DOCK3: variants seen among roughly 807,000 people sequenced by gnomAD.
DOCK3 encodes the protein dedicator of cytokinesis protein 3.
A neutral mutation model predicts 265.6 loss-of-function variants in DOCK3; 60 were observed. That is an observed-to-expected ratio of 0.23 (90% CI 0.18 to 0.28). The LOEUF (loss-of-function observed/expected upper bound fraction) is 0.28, where lower values mean the gene tolerates loss of function less well. Among genes scored for constraint, DOCK3 ranks in the 10% least tolerant of loss-of-function variants. The pLI is 1.00. For synonymous variants in DOCK3, 881 were observed against 938.0 expected, an observed-to-expected ratio of 0.94 and a Z score of 1.11; for missense variants, 1,981 against 2,594.3, an observed-to-expected ratio of 0.76 and a Z score of 5.14.
chr3:51,380,629 T>C (rs2088553614), intron 52 of DOCK3, among the ~76,000 whole-genome samples: 1 of 152,238 alleles, frequency 6.6e-6, no homozygotes, highest in South Asian at 2.1e-4. Flanking sequence ...ATTTCCTACC[T>C]GTTAGCTTGT....
rs192038080 is a variant in DOCK3 at position 51,339,636 on chromosome 3, C to G, written c.3766+608C>G. 1.3e-3 allele frequency among the ~76,000 whole-genome samples: 196 copies of G among 152,298 alleles called. 1 individual carries two copies. The highest frequency in any genetic ancestry group is 4.5e-3 in the African/African-American group (189 of 41,556). On this transcript the variant is annotated intron_variant, in intron 37 of 52. Coordinates refer to ENST00000266037, the MANE Select transcript of DOCK3 (RefSeq NM_004947.5). ...ATATCAAGGCCTTTTCTAACTAGAA[C>G]AAATTTTAAAGCATTTCAAAGTGGC...
At chr3:50,749,073 ATG>A (rs1187221762) in intron 1 of DOCK3, among the ~76,000 whole-genome samples, 1 of 152,068 alleles carries the variant, frequency 6.6e-6, no homozygotes, top group Non-Finnish European at 1.5e-5. Flanking sequence ...ACATGGGATA[ATG>A]TGTGTGATAT....
At chr3:51,336,029 A>G (rs993400094) in intron 35 of DOCK3, among the ~76,000 whole-genome samples, 1 of 151,930 alleles carries the variant, frequency 6.6e-6, no homozygotes, top group African/African-American at 2.4e-5. Context: ...AAAAGAAAAT[A>G]GTTGTTGATA....
intron 12 of DOCK3, among the ~76,000 whole-genome samples, chr3:51,171,871 T>C (rs2086698345): frequency 6.6e-6 from 1 of 152,218 alleles, no homozygotes; most frequent in South Asian, 2.1e-4. Flanking sequence ...TCAAGTCTGC[T>C]ATTTCATTAT....
At chr3:50,679,035 A>G (rs1576055765) in intron 1 of DOCK3, among the ~76,000 whole-genome samples, 1 of 152,166 alleles carries the variant, frequency 6.6e-6, no homozygotes, top group African/African-American at 2.4e-5. Flanking sequence ...GGAGGGCCTC[A>G]ATCTCCTGAC....
At chr3:50,679,700 G>T (rs1283884304) in intron 1 of DOCK3, among the ~76,000 whole-genome samples, 3 of 152,164 alleles carry the variant, frequency 2.0e-5, no homozygotes, top group African/African-American at 4.8e-5. Flanking sequence ...AAGACAGTGT[G>T]CTCTTTAGTT....
chr3:50,837,450 A>G (rs1559705054), intron 2 of DOCK3, among the ~76,000 whole-genome samples: 1 of 152,202 alleles, frequency 6.6e-6, no homozygotes, highest in Non-Finnish European at 1.5e-5. Flanking sequence ...AGTGCTGAAC[A>G]AAGGGGAGAA....
chr3:51,158,109 G>A (rs568169641), intron 10 of DOCK3, among the ~76,000 whole-genome samples: 133 of 152,180 alleles, frequency 8.7e-4, no homozygotes, highest in African/African-American at 3.1e-3. Flanking sequence ...TCATTAACTC[G>A]CAATAATGGC....
intron 14 of DOCK3, among the ~76,000 whole-genome samples, chr3:51,217,694 G>A (rs1027470602): frequency 2.0e-5 from 3 of 151,976 alleles, no homozygotes; most frequent in African/African-American, 7.3e-5. Context: ...CGACAAACAG[G>A]CCAGGTGTTC....
intron 3 of DOCK3, among the ~76,000 whole-genome samples, chr3:50,872,383 C>T (rs749763089): frequency 6.6e-6 from 1 of 152,244 alleles, no homozygotes; most frequent in Non-Finnish European, 1.5e-5. Context: ...TTACTTTCTG[C>T]CAAACAAGCA....
chr3:51,039,949 AC>A (rs2080418198), intron 5 of DOCK3, among the ~76,000 whole-genome samples: 1 of 150,064 alleles, frequency 6.7e-6, no homozygotes, highest in Non-Finnish European at 1.5e-5. Flanking sequence ...TTTCAAAGTG[AC>A]AAAGATATTC....
chr3:51,073,382 C>T (rs1161061773), intron 6 of DOCK3, among the ~76,000 whole-genome samples: 4 of 152,178 alleles, frequency 2.6e-5, no homozygotes, highest in African/African-American at 4.8e-5. Context: ...TCTTGCACTC[C>T]GTGAACACTA....
chr3:50,981,486 C>T (rs1303301428), intron 5 of DOCK3, among the ~76,000 whole-genome samples: 1 of 152,074 alleles, frequency 6.6e-6, no homozygotes, highest in Non-Finnish European at 1.5e-5. Context: ...AGTTTAAATC[C>T]AATGTTTCTT....
chr3:51,118,715 C>T (rs1174469089), intron 9 of DOCK3, among the ~76,000 whole-genome samples: 1 of 151,966 alleles, frequency 6.6e-6, no homozygotes, highest in Non-Finnish European at 1.5e-5. Flanking sequence ...TTATGTAATA[C>T]CCTGCTTTGT....
chr3:51,077,415 G>C (rs2082090842), intron 7 of DOCK3, among the ~76,000 whole-genome samples: 1 of 151,998 alleles, frequency 6.6e-6, no homozygotes, highest in African/African-American at 2.4e-5. Context: ...ATTGGAGTGG[G>C]GCAAGAATAG....
chr3:51,021,661 C>CTTTTTTTTTTTTTTTTT (rs61097732), intron 5 of DOCK3, among the ~76,000 whole-genome samples: 1 of 142,818 alleles, frequency 7.0e-6, no homozygotes, highest in Non-Finnish European at 1.5e-5. Context: ...GGAGAACTTC[C>CTTTTTTTTTTTTTTTTT]TTTTTTTTTT....
intron 10 of DOCK3, among the ~76,000 whole-genome samples, chr3:51,150,266 G>C (rs2085514723): frequency 6.6e-6 from 1 of 151,672 alleles, no homozygotes; most frequent in African/African-American, 2.4e-5. Context: ...TATCAATTTT[G>C]TTGATCTTTT....
intron 1 of DOCK3, among the ~76,000 whole-genome samples, chr3:50,769,027 C>T (rs1030794220): frequency 8.6e-5 from 13 of 151,416 alleles, no homozygotes; most frequent in Non-Finnish European, 1.5e-4. Flanking sequence ...TTTTCATATA[C>T]CTGTTCATCA....
chr3:51,219,526 T>C (rs549825009), intron 14 of DOCK3, among the ~76,000 whole-genome samples: 6 of 152,320 alleles, frequency 3.9e-5, no homozygotes, highest in African/African-American at 1.4e-4. Flanking sequence ...TGGAGACATA[T>C]TGGAATGTCT....
Sources: allele counts gnomAD v4.1 joint callset (sites outside exome capture counted in the v4.1 genomes callset), GRCh38; gene constraint gnomAD v4.1.1; transcripts MANE v1.5; gene names NCBI Gene and HGNC (gene_info 2026-07-23, HGNC 2026-07-21).